The following MGMT variants were observed in gnomAD, a reference collection of about 807,000 sequenced individuals.
MGMT encodes the protein methylated-DNA--protein-cysteine methyltransferase.
In MGMT, 14 loss-of-function variants were observed where a neutral mutation model predicts 15.9. The observed-to-expected ratio is 0.88, with a 90% CI of 0.58 to 1.37. The LOEUF is 1.37. Ranked by LOEUF, MGMT falls within the 40% of genes most tolerant of loss-of-function variation. The pLI, the probability that MGMT is intolerant of heterozygous loss-of-function variation, is 0.00. For missense variants in MGMT, 282 were observed against 268.1 expected (o/e 1.05, Z -0.36); for synonymous variants, 130 against 118.2 (o/e 1.10, Z -0.65).
At chr10:129,611,709 G>A (rs1310417540) in intron 2 of MGMT, among the ~76,000 whole-genome samples, 9 of 152,104 alleles carry the variant, frequency 5.9e-5, no homozygotes, top group South Asian at 2.1e-4. Context: ...AATTGAGGCC[G>A]GGGGCCTAAG....
chr10:129,610,435 G>T (rs972159573), intron 2 of MGMT, among the ~76,000 whole-genome samples: 9 of 152,182 alleles, frequency 5.9e-5, no homozygotes, highest in Non-Finnish European at 1.0e-4. Context: ...CCACCCCAGG[G>T]CCTTGGCATG....
At chr10:129,594,758 A>T (rs1198548696) in intron 2 of MGMT, among the ~76,000 whole-genome samples, 1 of 152,214 alleles carries the variant, frequency 6.6e-6, no homozygotes, top group Non-Finnish European at 1.5e-5. Flanking sequence ...CCTACCACAG[A>T]TACTGTCCCC....
intron 2 of MGMT, among the ~76,000 whole-genome samples, chr10:129,639,629 T>G (rs1451298463): frequency 6.6e-6 from 1 of 152,216 alleles, no homozygotes; most frequent in Non-Finnish European, 1.5e-5. Flanking sequence ...GAAAATGTTT[T>G]GAATTAAATG....
chr10:129,749,345 GT>G (rs1401185452), intron 3 of MGMT, among the ~76,000 whole-genome samples: 1 of 152,080 alleles, frequency 6.6e-6, no homozygotes, highest in Admixed American at 6.5e-5. Context: ...TGTCTATATA[GT>G]TTTGCTTCTT....
At chr10:129,706,056 G>A (rs534224818) in intron 2 of MGMT, among the ~76,000 whole-genome samples, 8 of 152,276 alleles carry the variant, frequency 5.3e-5, no homozygotes, top group South Asian at 2.1e-4. Context: ...GGGCAGCTGC[G>A]GTGCCTTCTG....
At chr10:129,523,110 G>A (rs1376475129) in intron 1 of MGMT, among the ~76,000 whole-genome samples, 1 of 152,256 alleles carries the variant, frequency 6.6e-6, no homozygotes, top group Non-Finnish European at 1.5e-5. Context: ...GACTGTCACT[G>A]TGCAGCGCAG....
intron 3 of MGMT, among the ~76,000 whole-genome samples, chr10:129,750,201 A>AT (rs1394294316): frequency 6.6e-6 from 1 of 151,736 alleles, no homozygotes; most frequent in Non-Finnish European, 1.5e-5. Context: ...GGTTGCTTAG[A>AT]TTTTCTCCTG....
At chr10:129,747,895 T>C (rs1848711973) in intron 3 of MGMT, among the ~76,000 whole-genome samples, 1 of 152,196 alleles carries the variant, frequency 6.6e-6, no homozygotes, top group East Asian at 1.9e-4. Context: ...GCTTTTCTCA[T>C]GATTTGACTG....
At chr10:129,609,423 T>C (rs1846933145) in intron 2 of MGMT, among the ~76,000 whole-genome samples, 1 of 152,014 alleles carries the variant, frequency 6.6e-6, no homozygotes, top group Admixed American at 6.5e-5. Flanking sequence ...CCCTGGAGGC[T>C]GGATGGTAGA....
At chr10:129,733,009 A>T (rs905812382) in intron 3 of MGMT, among the ~76,000 whole-genome samples, 4 of 151,850 alleles carry the variant, frequency 2.6e-5, no homozygotes, top group Admixed American at 6.6e-5. Context: ...ATAATGCCGC[A>T]ATAAACATAC....
intron 3 of MGMT, among the ~76,000 whole-genome samples, chr10:129,718,161 A>G (rs1848321457): frequency 6.6e-6 from 1 of 152,230 alleles, no homozygotes; most frequent in Non-Finnish European, 1.5e-5. Context: ...ATGCCCTAGA[A>G]GATGAATATG....
intron 2 of MGMT, among the ~76,000 whole-genome samples, chr10:129,574,016 A>G (rs539942650): frequency 2.2e-4 from 34 of 152,376 alleles, no homozygotes; most frequent in African/African-American, 7.9e-4. Flanking sequence ...CCCAAGGGCA[A>G]CATGTCCCCC....
At chr10:129,530,504 G>T (rs560197699) in intron 1 of MGMT, among the ~76,000 whole-genome samples, 1 of 152,124 alleles carries the variant, frequency 6.6e-6, no homozygotes, top group Non-Finnish European at 1.5e-5. Context: ...TTGGTTAAAC[G>T]TCTCTTGATC....
intron 2 of MGMT, among the ~76,000 whole-genome samples, chr10:129,623,801 A>G (rs1369919889): frequency 6.6e-6 from 1 of 152,224 alleles, no homozygotes; most frequent in Non-Finnish European, 1.5e-5. Context: ...GATTACAGGC[A>G]TAAGCCACTG....
chr10:129,764,771 C>G (rs1848914421), intron 4 of MGMT, among the ~76,000 whole-genome samples: 2 of 152,206 alleles, frequency 1.3e-5, no homozygotes. Flanking sequence ...ACCTTGGGAT[C>G]CTGCAGAAAC....
intron 2 of MGMT, among the ~76,000 whole-genome samples, chr10:129,653,383 CTAACAG>C (rs1394691102): frequency 6.6e-6 from 1 of 152,212 alleles, no homozygotes; most frequent in Non-Finnish European, 1.5e-5. Context: ...GGATTTATTG[CTAACAG>C]TAACTGCTCA....
chr10:129,492,974 C>T (rs1484650523), intron 1 of MGMT, among the ~76,000 whole-genome samples: 1 of 152,172 alleles, frequency 6.6e-6, no homozygotes, highest in East Asian at 1.9e-4. Context: ...TTCATAAATG[C>T]TTATTTCGTA....
intron 2 of MGMT, among the ~76,000 whole-genome samples, chr10:129,671,757 T>G (rs1847726318): frequency 6.6e-6 from 1 of 152,188 alleles, no homozygotes; most frequent in Admixed American, 6.5e-5. Context: ...AAGAAATCGC[T>G]CACGTCATTG....
At chr10:129,723,579 A>T (rs944576158) in intron 3 of MGMT, among the ~76,000 whole-genome samples, 2 of 152,264 alleles carry the variant, frequency 1.3e-5, no homozygotes, top group Non-Finnish European at 2.9e-5. Context: ...AAAAGACTTC[A>T]TTAAGTAAAT....
Sources: gnomAD v4.1 joint callset for allele counts (sites outside exome capture counted in the v4.1 genomes callset) on GRCh38, gnomAD v4.1.1 for gene constraint, MANE v1.5 for transcripts, NCBI Gene and HGNC (gene_info 2026-07-23, HGNC 2026-07-21) for gene names.